The following CFAP100 variants were observed in gnomAD, a reference collection of about 807,000 sequenced individuals.
The protein encoded by CFAP100 is cilia and flagella associated protein 100, also known as cilia- and flagella-associated protein 100.
A neutral mutation model predicts 81.5 loss-of-function variants in CFAP100; 70 were observed. The observed-to-expected ratio is 0.86, with a 90% CI of 0.71 to 1.05. CFAP100 has a LOEUF of 1.05. Ranked by LOEUF, CFAP100 falls within the 50% of genes least tolerant of loss-of-function variation. CFAP100 has a pLI of 0.00. For missense variants in CFAP100, 811 were observed against 776.5 expected, an observed-to-expected ratio of 1.04 and a Z score of -0.53; for synonymous variants, 341 against 314.8, an observed-to-expected ratio of 1.08 and a Z score of -0.88.
At chr3:126,415,642 C>T (rs1344665147) in intron 4 of CFAP100, among the ~76,000 whole-genome samples, 1 of 152,080 alleles carries the variant, frequency 6.6e-6, no homozygotes, top group Non-Finnish European at 1.5e-5. Flanking sequence ...CGGAAGTGAC[C>T]CCAGAAAGTC....
Position 126,423,604 on chromosome 3 carries a change from G to A in CFAP100, c.1246G>A (p.Glu416Lys), listed in dbSNP as rs1249881375. ...CAGCCAGGAGACGGAGAAGACCCTG[G>A]AGGAGCTGAGCCACACCCTGAAACA... is the stretch of plus-strand genomic sequence containing the variant. ...QNSQETEKTL[E>K]ELSHTLKHTQ... Residue 416 changes from glutamate (E) to lysine (K), a missense_variant, in exon 13 of 17, where the codon GAG becomes AAG. Transcript: ENST00000352312. 1.9e-6 allele frequency: 3 copies of A among 1,614,232 alleles called. No individual in the cohort carries two copies. Among genetic ancestry groups the A allele is most frequent in the East Asian group, 2.2e-5 (1 of 44,884 alleles).
chr3:126,419,057 C>G lies in CFAP100; in HGVS notation c.651-19C>G. On this transcript the variant is annotated intron_variant, in intron 7 of 16. Transcript: ENST00000352312. ...GGCCCCTTGCCCCCATCCCTCCTCC[C>G]CCGCCGCCCAACCCCTAGGGCTGAG... 1 of 1,432,390 alleles carries G rather than the reference C, an allele frequency of 7.0e-7. No individual in the cohort carries two copies. The highest frequency in any genetic ancestry group is 9.5e-7 in the Non-Finnish European group (1 of 1,056,398). 88.7% of individuals were successfully genotyped at this position (1,432,390 alleles called of 1,614,324 possible).
At chr3:126,414,588 C>T (rs142312410) in intron 4 of CFAP100, among the ~76,000 whole-genome samples, 7 of 152,350 alleles carry the variant, frequency 4.6e-5, no homozygotes, top group Non-Finnish European at 5.9e-5. Context: ...AGGCCTTGTG[C>T]CGTCCCTATG....
At chr3:126,422,488 GC>G (rs35529379) in intron 11 of CFAP100, among the ~76,000 whole-genome samples, 54,441 of 151,946 alleles carry the variant, frequency 0.36, 9,893 homozygotes, top group East Asian at 0.43. Context: ...AGCCAGCGCA[GC>G]CCCCCCCACC....
chr3:126,417,428 A>G (rs1446730774), intron 5 of CFAP100, among the ~76,000 whole-genome samples: 1 of 152,238 alleles, frequency 6.6e-6, no homozygotes, highest in East Asian at 1.9e-4. Context: ...ACAGGGGATT[A>G]GAGGTGTACC....
At chr3:126,414,596 A>G (rs1013665493) in intron 4 of CFAP100, among the ~76,000 whole-genome samples, 8 of 152,114 alleles carry the variant, frequency 5.3e-5, no homozygotes, top group African/African-American at 1.9e-4. Flanking sequence ...TGCCGTCCCT[A>G]TGGCTGGACC....
chr3:126,425,997 G>A (rs1046721354), intron 13 of CFAP100, among the ~76,000 whole-genome samples: 1 of 152,150 alleles, frequency 6.6e-6, no homozygotes, highest in African/African-American at 2.4e-5. Flanking sequence ...CATGAGATCA[G>A]AAATAAGGCA....
At position 126,419,630 on chromosome 3, in the gene CFAP100, G is replaced by C. The variant is rs201592391; in HGVS notation, c.732-7G>C. The C allele has an allele frequency of 6.2e-7, 1 of 1,612,734 alleles. No homozygotes were observed. The highest frequency in any genetic ancestry group is 8.5e-7 in the Non-Finnish European group (1 of 1,179,412). On this transcript the variant is annotated splice_polypyrimidine_tract_variant and splice_region_variant and intron_variant, in intron 8 of 16. Transcript: ENST00000352312. ...CCTTCCCACATCCTCACCCCGCCCC[G>C]GTGTAGTGAGATCTCCAGATTTGAA...
At chr3:126,400,622 G>A (rs969082409) in intron 2 of CFAP100, among the ~76,000 whole-genome samples, 1 of 152,072 alleles carries the variant, frequency 6.6e-6, no homozygotes, top group South Asian at 2.1e-4. Context: ...CATGGTGGCG[G>A]GCACCTGTAG....
chr3:126,405,818 C>T (rs1462578404), intron 2 of CFAP100, among the ~76,000 whole-genome samples: 2 of 152,034 alleles, frequency 1.3e-5, no homozygotes, highest in East Asian at 1.9e-4. Context: ...GACAGGGTCT[C>T]ACCCTGTCAC....
At chr3:126,413,188 T>C (rs9863762) in intron 3 of CFAP100, among the ~76,000 whole-genome samples, 110,891 of 152,062 alleles carry the variant, frequency 0.73, 41,035 homozygotes, top group African/African-American at 0.85. Flanking sequence ...GTTCCTCCAC[T>C]AGCTGCTTGT....
Position 126,426,841 on chromosome 3 carries a change from C to G in CFAP100, c.1286+3197C>G, listed in dbSNP as rs934406418. On this transcript the variant is annotated intron_variant, in intron 13 of 16. Transcript: ENST00000352312. ...GGTTGCAGGATACAAGATTAACATA[C>G]AAAAGTCAATGGCTTTCTCATATAC... Among the ~76,000 whole-genome samples the G allele has an allele frequency of 2.6e-5, 4 of 152,302 alleles. No individual in the cohort carries two copies. The East Asian group carries it at 7.7e-4, about 29-fold the overall frequency.
intron 13 of CFAP100, among the ~76,000 whole-genome samples, chr3:126,424,750 G>A (rs2083384061): frequency 1.3e-5 from 2 of 152,276 alleles, no homozygotes; most frequent in Admixed American, 6.5e-5. Context: ...TGTGTTCTAG[G>A]AGGAAAATAA....
In CFAP100 at chr3:126,418,660, C is replaced by T. The variant is rs577864385; in HGVS notation, c.536C>T (p.Ala179Val). The change falls in exon 7 of 17, where the codon GCG (alanine) becomes GTG (valine). Residue 179 changes from alanine (A) to valine (V), a missense_variant. Transcript: ENST00000352312. ...GAGATCCAGCGGCTGGAGACGCTGG[C>T]GACCAAAGAGGAGGCCAGGCTGGAG... ...RREIQRLETLATKEEARLERA... is the reference protein window; with the variant it reads ...RREIQRLETLVTKEEARLERA... 33 of 1,584,266 alleles carry T rather than the reference C, an allele frequency of 2.1e-5. No homozygotes were observed. Among genetic ancestry groups the T allele is most frequent in the Admixed American group, 1.5e-4 (8 of 53,518 alleles).
intron 11 of CFAP100, among the ~76,000 whole-genome samples, chr3:126,422,296 G>A (rs911559177): frequency 7.2e-5 from 11 of 152,216 alleles, no homozygotes; most frequent in African/African-American, 2.2e-4. Flanking sequence ...AATGGGCATC[G>A]GTGTGCAGTG....
At chr3:126,399,092 A>C (rs1321096367) in intron 2 of CFAP100, among the ~76,000 whole-genome samples, 1 of 152,176 alleles carries the variant, frequency 6.6e-6, no homozygotes, top group Non-Finnish European at 1.5e-5. Context: ...TCAGCTCCAC[A>C]GGGAGGCCTC....
At chr3:126,414,512 G>A (rs951442245) in intron 4 of CFAP100, among the ~76,000 whole-genome samples, 7 of 152,104 alleles carry the variant, frequency 4.6e-5, no homozygotes, top group Non-Finnish European at 1.0e-4. Context: ...ACACTCTCCG[G>A]GTCCTCCAAG....
chr3:126,408,499 C>T (rs2083104476), intron 3 of CFAP100, among the ~76,000 whole-genome samples: 1 of 152,190 alleles, frequency 6.6e-6, no homozygotes, highest in Non-Finnish European at 1.5e-5. Context: ...AGTGGTGTCG[C>T]CTCTCCTGCA....
chr3:126,396,117 C>A, intron 2 of CFAP100, 68 bp downstream of exon 2: 2 of 1,244,874 alleles, frequency 1.6e-6, no homozygotes, highest in Non-Finnish European at 2.4e-6. Flanking sequence ...CCAGCTCCCT[C>A]ACAGGTTAAG....
Sources: allele counts gnomAD v4.1 joint callset (sites outside exome capture counted in the v4.1 genomes callset), GRCh38; gene constraint gnomAD v4.1.1; transcripts MANE v1.5; gene names NCBI Gene and HGNC (gene_info 2026-07-23, HGNC 2026-07-21).